The following MICAL3 variants were observed in gnomAD, a reference collection of about 807,000 sequenced individuals.
MICAL3 encodes the protein [F-actin]-monooxygenase MICAL3.
MICAL3 carries 62 observed loss-of-function variants against 207.4 expected under a neutral mutation model. The observed-to-expected ratio is 0.30, with a 90% CI of 0.24 to 0.37. The LOEUF is 0.37. Ranked by LOEUF, MICAL3 falls within the 10% of genes least tolerant of loss-of-function variation. MICAL3 has a pLI of 1.00. For missense variants in MICAL3, 2,368 were observed against 2,635.6 expected (o/e 0.90, Z 2.22); for synonymous variants, 1,077 against 1,069.3 (o/e 1.01, Z -0.14).
At chr22:17,829,577 T>C (rs5992122) in intron 21 of MICAL3, among the ~76,000 whole-genome samples, 63,777 of 151,974 alleles carry the variant, frequency 0.42, 13,777 homozygotes, top group African/African-American at 0.48. Flanking sequence ...TGCAGGGCCT[T>C]TCTCTACCTT....
At chr22:18,001,289 G>C (rs1454922208) in intron 1 of MICAL3, 8 of 152,072 alleles carry the variant, frequency 5.3e-5, no homozygotes, top group Non-Finnish European at 1.2e-4. Flanking sequence ...AGAACCGCCC[G>C]CCGGAACCAG....
At chr22:17,820,083 T>C (rs1377914270) in intron 25 of MICAL3, among the ~76,000 whole-genome samples, 1 of 148,024 alleles carries the variant, frequency 6.8e-6, no homozygotes, top group East Asian at 2.0e-4. Flanking sequence ...CAGTGAGCCA[T>C]GATCATGCCA....
intron 16 of MICAL3, chr22:17,879,321 A>G (rs545175204): frequency 1.3e-6 from 2 of 1,595,940 alleles, no homozygotes; most frequent in African/African-American, 2.7e-5. Context: ...TCAGCATCCC[A>G]TGCCACGGGT....
chr22:17,873,804 C>T (rs1434501098), intron 16 of MICAL3, among the ~76,000 whole-genome samples: 2 of 152,374 alleles, frequency 1.3e-5, no homozygotes, highest in Admixed American at 6.5e-5. Context: ...TGACCTGTCC[C>T]GAGAGGAAGT....
At position 17,821,436 on chromosome 22, in the gene MICAL3, G is replaced by A. The variant is rs1286258962; in HGVS notation, c.3522C>T (p.Pro1174=). The A allele has an allele frequency of 6.5e-7, 1 of 1,544,056 alleles. No individual in the cohort carries two copies. The highest frequency in any genetic ancestry group is 1.4e-5 in the African/African-American group (1 of 72,258). ...AGCCCCAAACCCTTACCTCTGTTGA[G>A]GGGCTGTGGACTGGAATGAACAGAA... ...SALLFIPVHS[P]STEGPQLPPV... The change falls in exon 25 of 32, where the codon CCC becomes CCT. Residue 1174 remains proline, a synonymous_variant. Coordinates refer to ENST00000441493, the MANE Select transcript of MICAL3 (RefSeq NM_015241.3).
chr22:17,996,208 G>A (rs1335414327), intron 1 of MICAL3, among the ~76,000 whole-genome samples: 1 of 151,654 alleles, frequency 6.6e-6, no homozygotes, highest in Non-Finnish European at 1.5e-5. Context: ...GGGAGGCCGA[G>A]GCCAGTGGAT....
At chr22:17,926,664 GT>G in intron 1 of MICAL3, among the ~76,000 whole-genome samples, 1 of 152,236 alleles carries the variant, frequency 6.6e-6, no homozygotes, top group Non-Finnish European at 1.5e-5. Flanking sequence ...AACTCCAGGT[GT>G]TGGCCTCCAC....
At chr22:17,908,677 A>G (rs1215419552) in intron 1 of MICAL3, among the ~76,000 whole-genome samples, 1 of 152,212 alleles carries the variant, frequency 6.6e-6, no homozygotes, top group Non-Finnish European at 1.5e-5. Flanking sequence ...TGGTGCTCTC[A>G]TCACAATGGC....
intron 1 of MICAL3, among the ~76,000 whole-genome samples, chr22:18,014,352 A>G (rs1204123052): frequency 6.6e-6 from 1 of 152,210 alleles, no homozygotes; most frequent in Non-Finnish European, 1.5e-5. Flanking sequence ...TAGCAAACCA[A>G]AGGTTCAGGA....
At chr22:17,842,520 G>A (rs1332923683) in intron 19 of MICAL3, 1 of 168,988 alleles carries the variant, frequency 5.9e-6, no homozygotes, top group African/African-American at 2.4e-5. Context: ...CCTGAAGAAC[G>A]TCTCATGCTG....
At chr22:17,944,988 G>A (rs936147941) in intron 1 of MICAL3, among the ~76,000 whole-genome samples, 6 of 144,830 alleles carry the variant, frequency 4.1e-5, no homozygotes, top group Admixed American at 2.1e-4. Context: ...TATGAAGTTC[G>A]CACTCAGGCA....
intron 1 of MICAL3, among the ~76,000 whole-genome samples, chr22:18,012,902 C>T (rs1923837103): frequency 6.6e-6 from 1 of 152,182 alleles, no homozygotes; most frequent in Non-Finnish European, 1.5e-5. Context: ...TTAGCCTGCC[C>T]AGCATTCAGA....
rs114932486 is a variant in MICAL3, at chr22:17,930,622, C to T, written c.-74-23736G>A. Among the ~76,000 whole-genome samples the T allele has an allele frequency of 6.5e-3, 991 of 152,302 alleles. 10 individuals are homozygous for T. The highest frequency in any genetic ancestry group is 0.023 in the African/African-American group (955 of 41,560). On this transcript the variant is annotated intron_variant, in intron 1 of 31. Transcript: ENST00000441493. ...AAGTTTATGTCTATGGTGCAGAAGT[C>T]GGCTCAGACAGTGGCTACCTGGGCA... is the stretch of plus-strand genomic sequence containing the variant.
chr22:17,848,566 AG>A (rs773229095), intron 19 of MICAL3, among the ~76,000 whole-genome samples: 7 of 152,314 alleles, frequency 4.6e-5, no homozygotes, highest in Non-Finnish European at 8.8e-5. Context: ...TTTGAGCTAA[AG>A]TTCCCACAGG....
chr22:17,856,329 G>A (rs1281478236), intron 19 of MICAL3, among the ~76,000 whole-genome samples: 1 of 152,238 alleles, frequency 6.6e-6, no homozygotes, highest in Non-Finnish European at 1.5e-5. Context: ...CAAGCCCTAA[G>A]CATGGTCTTT....
intron 19 of MICAL3, among the ~76,000 whole-genome samples, chr22:17,859,946 G>T (rs1926333193): frequency 6.6e-6 from 1 of 152,088 alleles, no homozygotes; most frequent in African/African-American, 2.4e-5. Context: ...CACCACTCCA[G>T]CCCCTACACA....
At chr22:18,013,715 T>G (rs1418421422) in intron 1 of MICAL3, among the ~76,000 whole-genome samples, 3 of 152,200 alleles carry the variant, frequency 2.0e-5, no homozygotes, top group African/African-American at 7.2e-5. Flanking sequence ...TTTATCTGCA[T>G]AGTAAATTAA....
Position 17,860,669 on chromosome 22 carries a change from C to T in MICAL3, c.2605+4230G>A, listed in dbSNP as rs919544435. The T allele has an allele frequency of 2.5e-5, 25 of 985,340 alleles. No homozygotes were observed. In the South Asian group the frequency reaches 1.0e-3, roughly 41 times the overall value. 61.0% of individuals were successfully genotyped at this position (985,340 alleles called of 1,614,324 possible). A position where few individuals can be genotyped will look rare whatever the true frequency, so the allele number is the denominator to read the frequency against. ...GGAGCCAGACAGGAGACATGTGAGG[C>T]GGGTGCCCGGCTCTCCGTGGTGTCC... On this transcript the variant is annotated intron_variant, in intron 19 of 31. Transcript: ENST00000441493.
intron 1 of MICAL3, among the ~76,000 whole-genome samples, chr22:17,935,698 TC>T (rs1933483734): frequency 6.6e-6 from 1 of 152,058 alleles, no homozygotes; most frequent in African/African-American, 2.4e-5. Flanking sequence ...AGGGCTAATA[TC>T]CAGAATTTAC....
Sources: gnomAD v4.1 joint callset for allele counts (sites outside exome capture counted in the v4.1 genomes callset) on GRCh38, gnomAD v4.1.1 for gene constraint, MANE v1.5 for transcripts, NCBI Gene and HGNC (gene_info 2026-07-23, HGNC 2026-07-21) for gene names.